CMIP: variants seen among roughly 807,000 people sequenced by gnomAD.
CMIP encodes C-Maf-inducing protein.
CMIP carries 13 observed loss-of-function variants against 97.3 expected under a neutral mutation model. The ratio of observed to expected loss-of-function variants is 0.13; its 90% confidence interval spans 0.09 to 0.21. The LOEUF is 0.21. Among genes scored for constraint, CMIP ranks in the 10% least tolerant of loss-of-function variants. The pLI is 1.00. For synonymous variants in CMIP, 538 were observed against 436.3 expected (o/e 1.23, Z -2.91); for missense variants, 847 against 1,024.9 (o/e 0.83, Z 2.37).
intron 1 of CMIP, among the ~76,000 whole-genome samples, chr16:81,529,756 G>A (rs752583236): frequency 6.6e-6 from 1 of 152,202 alleles, no homozygotes; most frequent in Non-Finnish European, 1.5e-5. Context: ...TAAGATGGAG[G>A]AAGGAGCCAC....
rs114574372 is a variant in CMIP, at chr16:81,643,178, T to G, written c.478-9025T>G. Reference sequence around the variant, plus strand: ...CGTCCACCTCGTGGAGGAGAGGAAGTGAGGCATGTGGGTGAGAACCTTGCT... The same window carrying G: ...CGTCCACCTCGTGGAGGAGAGGAAGGGAGGCATGTGGGTGAGAACCTTGCT... On this transcript the variant is annotated intron_variant, in intron 3 of 20. Transcript: ENST00000537098. Among the ~76,000 whole-genome samples, 1,076 of 152,276 alleles carry G rather than the reference T, an allele frequency of 7.1e-3. 20 individuals carry two copies. Among genetic ancestry groups the G allele is most frequent in the African/African-American group, 0.025 (1,041 of 41,542 alleles).
At chr16:81,640,641 T>C (rs756548737) in intron 3 of CMIP, among the ~76,000 whole-genome samples, 12 of 152,170 alleles carry the variant, frequency 7.9e-5, no homozygotes, top group Non-Finnish European at 1.8e-4. Context: ...GGGGAGGGCC[T>C]TTTCCTTGCC....
At chr16:81,495,790 C>T (rs934255527) in intron 1 of CMIP, among the ~76,000 whole-genome samples, 1 of 152,230 alleles carries the variant, frequency 6.6e-6, no homozygotes, top group African/African-American at 2.4e-5. Context: ...CACTCACTCT[C>T]CTGGGGCATC....
intron 1 of CMIP, among the ~76,000 whole-genome samples, chr16:81,525,185 C>G (rs142153464): frequency 6.6e-6 from 1 of 151,538 alleles, no homozygotes; most frequent in Non-Finnish European, 1.5e-5. Flanking sequence ...GCTCAGCCAC[C>G]CAGGCTGGAG....
At chr16:81,668,597 C>T (rs1267302744) in intron 7 of CMIP, among the ~76,000 whole-genome samples, 1 of 152,156 alleles carries the variant, frequency 6.6e-6, no homozygotes, top group Non-Finnish European at 1.5e-5. Flanking sequence ...GACAGAGCCC[C>T]GCAGTGGACA....
chr16:81,521,381 C>A (rs1042215887), intron 1 of CMIP, among the ~76,000 whole-genome samples: 44 of 152,032 alleles, frequency 2.9e-4, no homozygotes, highest in Admixed American at 7.9e-4. Context: ...TTTGCCACCC[C>A]CCCCCGAATA....
chr16:81,578,723 A>C, intron 1 of CMIP, among the ~76,000 whole-genome samples: 1 of 152,232 alleles, frequency 6.6e-6, no homozygotes, highest in East Asian at 1.9e-4. Context: ...CTGTGCATAC[A>C]TCCTCTGTGT....
At chr16:81,515,812 G>C (rs2089901876) in intron 1 of CMIP, among the ~76,000 whole-genome samples, 1 of 152,184 alleles carries the variant, frequency 6.6e-6, no homozygotes, top group Non-Finnish European at 1.5e-5. Context: ...CGTGTCACTG[G>C]ATTCAACCCG....
intron 3 of CMIP, among the ~76,000 whole-genome samples, chr16:81,624,982 A>G (rs1490809393): frequency 6.6e-6 from 1 of 152,244 alleles, no homozygotes; most frequent in African/African-American, 2.4e-5. Context: ...TTTGTGAATT[A>G]CTTCCTCTCA....
chr16:81,661,006 C>T, intron 6 of CMIP, 60 bp downstream of exon 6: 1 of 1,603,024 alleles, frequency 6.2e-7, no homozygotes, highest in Non-Finnish European at 8.5e-7. Context: ...TGTGCGCATA[C>T]CAGGGATTGG....
intron 3 of CMIP, among the ~76,000 whole-genome samples, chr16:81,637,905 T>C (rs1015516414): frequency 2.0e-5 from 3 of 152,126 alleles, no homozygotes; most frequent in African/African-American, 7.2e-5. Context: ...GCCTTCTCGC[T>C]GTGTCTCACA....
At position 81,696,675 on chromosome 16, in the gene CMIP, G is replaced by T. The variant is rs1236637356; in HGVS notation, c.1638+8G>T. On this transcript the variant is annotated splice_region_variant and intron_variant, in intron 14 of 20. Coordinates refer to ENST00000537098, the MANE Select transcript of CMIP (RefSeq NM_198390.3). ...GAGCTGTTCGCCAGCATGGTACGCA[G>T]TGGGACCCCAGTGGGGTGACTTCCA... The T allele has an allele frequency of 6.2e-7, 1 of 1,603,808 alleles. No homozygotes were observed. Among genetic ancestry groups the T allele is most frequent in the African/African-American group, 1.3e-5 (1 of 75,036 alleles).
intron 1 of CMIP, among the ~76,000 whole-genome samples, chr16:81,462,389 C>A (rs908163017): frequency 3.9e-5 from 6 of 152,058 alleles, no homozygotes; most frequent in African/African-American, 1.4e-4. Flanking sequence ...ATAATATAGG[C>A]ATTCTTAGGG....
chr16:81,704,143 T>G, intron 18 of CMIP, 58 bp downstream of exon 18: 2 of 1,451,098 alleles, frequency 1.4e-6, no homozygotes, highest in Non-Finnish European at 1.9e-6. Flanking sequence ...CTCTGCACTC[T>G]CCTCCCTATT....
chr16:81,516,164 C>T (rs900954914), intron 1 of CMIP, among the ~76,000 whole-genome samples: 3 of 152,184 alleles, frequency 2.0e-5, no homozygotes, highest in African/African-American at 7.2e-5. Flanking sequence ...CAAGTGGCTT[C>T]CATCTCCTGG....
intron 1 of CMIP, 58 bp downstream of exon 1, chr16:81,445,599 C>T (rs1905780859): frequency 1.7e-5 from 25 of 1,497,568 alleles, no homozygotes; most frequent in Non-Finnish European, 2.2e-5. Context: ...GATGCGCCCT[C>T]CCTGGCTGCC....
intron 13 of CMIP, 62 bp from the exon 14 acceptor site, chr16:81,696,498 A>C: frequency 6.7e-7 from 1 of 1,495,884 alleles, no homozygotes; most frequent in Non-Finnish European, 9.1e-7. Flanking sequence ...TGTGCAGATC[A>C]TGGTCGCCCT....
intron 10 of CMIP, among the ~76,000 whole-genome samples, chr16:81,688,317 G>C (rs12444025): frequency 0.13 from 19,142 of 152,234 alleles, 1,550 homozygotes; most frequent in African/African-American, 0.22. Flanking sequence ...GCTTCCCGCA[G>C]CTGCTCTCAC....
chr16:81,658,111 A>G (rs2092505838), intron 5 of CMIP, among the ~76,000 whole-genome samples: 1 of 152,238 alleles, frequency 6.6e-6, no homozygotes, highest in African/African-American at 2.4e-5. Context: ...GAGATGGCAG[A>G]GCCCGTATAA....
Sources: allele counts gnomAD v4.1 joint callset (sites outside exome capture counted in the v4.1 genomes callset), GRCh38; gene constraint gnomAD v4.1.1; transcripts MANE v1.5; gene names NCBI Gene and HGNC (gene_info 2026-07-23, HGNC 2026-07-21).